The following SNTG2 variants were observed in gnomAD, a reference collection of about 807,000 sequenced individuals.
The protein encoded by SNTG2 is syntrophin gamma 2.
A neutral mutation model predicts 70.9 loss-of-function variants in SNTG2; 74 were observed. The ratio of observed to expected loss-of-function variants is 1.04; its 90% CI spans 0.86 to 1.27. The LOEUF (loss-of-function observed/expected upper bound fraction) is 1.27. Among genes scored for constraint, SNTG2 ranks in the 50% most tolerant of loss-of-function variants. SNTG2 has a pLI of 0.00. For synonymous variants in SNTG2, 278 were observed against 273.8 expected, an observed-to-expected ratio of 1.02 and a Z score of -0.15; for missense variants, 717 against 690.7, an observed-to-expected ratio of 1.04 and a Z score of -0.43.
At chr2:1,073,343 T>A (rs1335406625) in intron 1 of SNTG2, among the ~76,000 whole-genome samples, 1 of 152,242 alleles carries the variant, frequency 6.6e-6, no homozygotes, top group Non-Finnish European at 1.5e-5. Context: ...GCAGCCACCA[T>A]CTTGATCCGT....
intron 1 of SNTG2, among the ~76,000 whole-genome samples, chr2:1,076,535 ATGC>A (rs1663927803): frequency 6.6e-6 from 1 of 152,236 alleles, no homozygotes; most frequent in South Asian, 2.1e-4. Flanking sequence ...GGTGAGTGTT[ATGC>A]TGTGTGATAC....
At chr2:1,137,886 C>A in intron 6 of SNTG2, 77 bp downstream of exon 6, 1 of 1,321,550 alleles carries the variant, frequency 7.6e-7, no homozygotes, top group Non-Finnish European at 1.1e-6. Context: ...GTTGATATTT[C>A]ACTGAGTCTA....
At chr2:1,112,103 C>T (rs772051156) in intron 4 of SNTG2, among the ~76,000 whole-genome samples, 5 of 151,096 alleles carry the variant, frequency 3.3e-5, no homozygotes, top group Non-Finnish European at 7.4e-5. Flanking sequence ...TAAACCCTTA[C>T]AGTACTTTGA....
intron 1 of SNTG2, among the ~76,000 whole-genome samples, chr2:1,001,126 A>G (rs62106792): frequency 0.066 from 10,035 of 152,134 alleles, 565 homozygotes; most frequent in South Asian, 0.21. Context: ...CATAAAAATA[A>G]TAAGAGCCAT....
chr2:1,143,572 G>A (rs1668891574), intron 6 of SNTG2, among the ~76,000 whole-genome samples: 1 of 151,588 alleles, frequency 6.6e-6, no homozygotes, highest in Non-Finnish European at 1.5e-5. Flanking sequence ...GTCTGCCGTC[G>A]AAAATATGAT....
intron 1 of SNTG2, among the ~76,000 whole-genome samples, chr2:958,657 G>A (rs536254256): frequency 6.6e-6 from 1 of 152,062 alleles, no homozygotes; most frequent in Middle Eastern, 3.4e-3. Context: ...ACATGAATTT[G>A]TAACCAAAAT....
chr2:1,165,695 T>C, intron 7 of SNTG2, 60 bp downstream of exon 7: 1 of 1,385,514 alleles, frequency 7.2e-7, no homozygotes, highest in South Asian at 1.2e-5. Flanking sequence ...GCCACATTAT[T>C]TATCCAAATG....
intron 8 of SNTG2, among the ~76,000 whole-genome samples, chr2:1,201,704 T>C (rs1437835646): frequency 1.3e-5 from 2 of 152,056 alleles, no homozygotes; most frequent in East Asian, 1.9e-4. Flanking sequence ...ATCATATGCA[T>C]GTATCAAAGT....
intron 9 of SNTG2, among the ~76,000 whole-genome samples, chr2:1,217,311 A>G (rs553950125): frequency 1.3e-5 from 2 of 152,340 alleles, no homozygotes; most frequent in South Asian, 4.1e-4. Context: ...GATCAAGCTT[A>G]TACTCAAGTG....
chr2:1,097,862 C>T lies in SNTG2; in HGVS notation c.211-334C>T, dbSNP rs1301693588. On this transcript the variant is annotated intron_variant, in intron 2 of 16. Coordinates refer to ENST00000308624, the MANE Select transcript of SNTG2 (RefSeq NM_018968.4). This position sits in a 1 kb window ranked among gnomAD's most constrained non-coding sequence, Gnocchi z 4.1. ...TGAGTGCTCCGCCCCACTTCCCTTT[C>T]ACCACCTGGGAGAAGGTGGACCCCT... 6.6e-6 allele frequency among the ~76,000 whole-genome samples: 1 copy of T among 151,864 alleles called. No homozygotes were observed. Among genetic ancestry groups the T allele is most frequent in the Non-Finnish European group, 1.5e-5 (1 of 67,996 alleles).
intron 9 of SNTG2, among the ~76,000 whole-genome samples, chr2:1,222,119 C>CTGTTTCTCTCTGTCTCTG: frequency 9.3e-6 from 1 of 107,720 alleles, no homozygotes; most frequent in African/African-American, 4.6e-5. Flanking sequence ...CTCTCTGTCT[C>CTGTTTCTCTCTGTCTCTG]TCTCTGTCTC....
In SNTG2 at chr2:1,086,237, G is replaced by A. The variant is rs113208554; in HGVS notation, c.210+2582G>A. ...GAGGGCTTCAATCACGGAAACTGGT[G>A]TGAGGTGATTTAACCTGTGCATCAG... On this transcript the variant is annotated intron_variant, in intron 2 of 16. Transcript: ENST00000308624. 2.3e-3 allele frequency among the ~76,000 whole-genome samples: 347 copies of A among 152,332 alleles called. 4 individuals carry two copies. Among genetic ancestry groups the A allele is most frequent in the South Asian group, 0.019 (94 of 4,822 alleles).
chr2:1,022,396 C>G (rs1236395762), intron 1 of SNTG2, among the ~76,000 whole-genome samples: 2 of 151,950 alleles, frequency 1.3e-5, no homozygotes, highest in Admixed American at 6.6e-5. Flanking sequence ...CCTGCGTTCT[C>G]AGGAGCCTCT....
chr2:1,197,321 T>A (rs1672967760), intron 8 of SNTG2, among the ~76,000 whole-genome samples: 1 of 151,486 alleles, frequency 6.6e-6, no homozygotes, highest in Admixed American at 6.6e-5. Flanking sequence ...CAGAAGCAAC[T>A]ATAATTATAT....
chr2:1,053,062 C>A (rs1035777874), intron 1 of SNTG2, among the ~76,000 whole-genome samples: 2 of 152,308 alleles, frequency 1.3e-5, no homozygotes, highest in East Asian at 1.9e-4. Context: ...ATAACATACT[C>A]TGACTTCAGT....
intron 1 of SNTG2, among the ~76,000 whole-genome samples, chr2:995,611 T>C (rs1457812080): frequency 6.6e-6 from 1 of 152,132 alleles, no homozygotes; most frequent in East Asian, 1.9e-4. Context: ...TTAGAAGAGT[T>C]TGTGAAGAAT....
At chr2:1,017,708 T>C (rs1288465136) in intron 1 of SNTG2, among the ~76,000 whole-genome samples, 1 of 152,258 alleles carries the variant, frequency 6.6e-6, no homozygotes, top group Non-Finnish European at 1.5e-5. Context: ...AAAGAAGAGT[T>C]ACCGTATCTT....
rs1675179498 is a variant in SNTG2 at position 1,222,097 on chromosome 2, C to CTCTG, written c.719+12870_719+12871insGTCT. ...TGTCTCTGTCTCTGTCTCTCTCTGT[C>CTCTG]TCTCTCTGTCTCTCTCTGTCTCTCT... On this transcript the variant is annotated intron_variant, in intron 9 of 16. Coordinates refer to ENST00000308624, the MANE Select transcript of SNTG2 (RefSeq NM_018968.4). Among the ~76,000 whole-genome samples the CTCTG allele has an allele frequency of 1.8e-4, 3 of 16,660 alleles. 1 individual carries two copies. Among genetic ancestry groups the CTCTG allele is most frequent in the Non-Finnish European group, 2.5e-4 (2 of 7,956 alleles). 10.9% of individuals were successfully genotyped at this position (16,660 alleles called of 152,430 possible).
chr2:1,147,751 TC>T (rs1669193322), intron 6 of SNTG2, among the ~76,000 whole-genome samples: 1 of 152,212 alleles, frequency 6.6e-6, no homozygotes, highest in Non-Finnish European at 1.5e-5. Flanking sequence ...TCTTTGATAG[TC>T]AACAGAGTGA....
Sources: allele counts gnomAD v4.1 joint callset (sites outside exome capture counted in the v4.1 genomes callset), GRCh38; gene constraint gnomAD v4.1.1; non-coding constraint Gnocchi (gnomAD v3.1); transcripts MANE v1.5; gene names NCBI Gene and HGNC (gene_info 2026-07-23, HGNC 2026-07-21).